Variants in PAPPA2 observed in about 807,000 individuals in gnomAD.
PAPPA2 encodes pappalysin 2, also known as pappalysin-2.
Under a neutral mutation model 176.4 loss-of-function variants are expected in PAPPA2, and 86 were observed. The observed-to-expected ratio is 0.49, with a 90% confidence interval of 0.41 to 0.58. The LOEUF (loss-of-function observed/expected upper bound fraction) is 0.58. Among genes scored for constraint, PAPPA2 ranks in the 20% least tolerant of loss-of-function variants. The pLI, the probability that PAPPA2 is intolerant of heterozygous loss-of-function variation, is 0.00. For synonymous variants in PAPPA2, 809 were observed against 852.2 expected, an observed-to-expected ratio of 0.95 and a Z score of 0.88; for missense variants, 2,073 against 2,256.9, an observed-to-expected ratio of 0.92 and a Z score of 1.65.
rs530343557 is a variant in PAPPA2 at position 176,832,498 on chromosome 1, G to A, written c.5203-7675G>A. ...CTCCCAAGTAGATGGGATTACAGGC[G>A]TGTGCCACTGCACCTGGCTAATTTT... On this transcript the variant is annotated intron_variant, in intron 21 of 22. Transcript: ENST00000367662. Among the ~76,000 whole-genome samples the A allele has an allele frequency of 5.3e-4, 80 of 152,214 alleles. No homozygotes were observed. The South Asian group carries it at 0.014, about 26-fold the overall frequency.
intron 3 of PAPPA2, among the ~76,000 whole-genome samples, chr1:176,634,106 G>A (rs1292001812): frequency 6.6e-6 from 1 of 152,006 alleles, no homozygotes; most frequent in Non-Finnish European, 1.5e-5. Flanking sequence ...TATACCCAAA[G>A]GGATATAAAT....
chr1:176,822,239 C>G (rs935348472), intron 21 of PAPPA2, among the ~76,000 whole-genome samples: 2 of 152,136 alleles, frequency 1.3e-5, no homozygotes, highest in Admixed American at 1.3e-4. Context: ...GGTGTCACCT[C>G]CTAGTTGATT....
intron 3 of PAPPA2, among the ~76,000 whole-genome samples, chr1:176,653,248 A>G (rs751502238): frequency 6.6e-6 from 1 of 151,652 alleles, no homozygotes; most frequent in Non-Finnish European, 1.5e-5. Context: ...TCATCATCTC[A>G]TTCAGCACTC....
chr1:176,759,644 C>A (rs905921014), intron 14 of PAPPA2, among the ~76,000 whole-genome samples: 10 of 152,156 alleles, frequency 6.6e-5, no homozygotes, highest in Non-Finnish European at 1.2e-4. Context: ...TTGCTAGGAA[C>A]TACTGAGCTC....
chr1:176,594,437 T>C lies in PAPPA2; in HGVS notation c.920-87T>C. 8 of 1,145,408 alleles carry C rather than the reference T, an allele frequency of 7.0e-6. No individual in the cohort carries two copies. The South Asian group carries it at 1.1e-4, about 16-fold the overall frequency. The allele number at this position is 1,145,408 out of a possible 1,614,324, so 71.0% of individuals were successfully genotyped here. ...TCCCCATTAAAAACCTGCATTCTTGTTATTTACATGGGCTTTCTTCTCCCT... is the reference window on the plus strand; with the variant it reads ...TCCCCATTAAAAACCTGCATTCTTGCTATTTACATGGGCTTTCTTCTCCCT... On this transcript the variant is annotated intron_variant, in intron 2 of 22. Transcript: ENST00000367662.
chr1:176,696,689 C>T (rs909807433), intron 7 of PAPPA2, among the ~76,000 whole-genome samples: 2 of 152,152 alleles, frequency 1.3e-5, no homozygotes. Flanking sequence ...TTAATGTTTA[C>T]CTAATTATCA....
rs1209820042 is a variant in PAPPA2, at chr1:176,555,658, C to G, written c.-665C>G. 1 of 152,186 alleles carries G rather than the reference C, an allele frequency of 6.6e-6. No individual in the cohort carries two copies. The allele number at this position is 152,186 out of a possible 1,614,324, so 9.4% of individuals were successfully genotyped here. A position where few individuals can be genotyped will look rare whatever the true frequency, so the allele number is the denominator to read the frequency against. On this transcript the variant is annotated 5_prime_UTR_variant, in exon 2 of 23. Transcript: ENST00000367662. ...CATCTGGAGAATGAAAGTTAAGTAC[C>G]AGCTTGCATTTTTGTGCCCCTAGAT...
chr1:176,698,683 C>A (rs755728610), intron 7 of PAPPA2, among the ~76,000 whole-genome samples: 1 of 152,182 alleles, frequency 6.6e-6, no homozygotes, highest in Non-Finnish European at 1.5e-5. Flanking sequence ...GGGAAAAGCC[C>A]TACAAAGATT....
intron 1 of PAPPA2, among the ~76,000 whole-genome samples, chr1:176,496,427 G>T (rs748495004): frequency 1.4e-4 from 22 of 152,202 alleles, no homozygotes; most frequent in Non-Finnish European, 2.5e-4. Context: ...AATGGGAAGA[G>T]AATGGTCCTG....
At chr1:176,552,518 C>T (rs528076836) in intron 1 of PAPPA2, among the ~76,000 whole-genome samples, 1 of 151,854 alleles carries the variant, frequency 6.6e-6, no homozygotes, top group African/African-American at 2.4e-5. Context: ...TTTCCCTCTC[C>T]GTCCTGGTCC....
At chr1:176,617,804 C>T (rs1655357136) in intron 3 of PAPPA2, among the ~76,000 whole-genome samples, 1 of 151,994 alleles carries the variant, frequency 6.6e-6, no homozygotes, top group Non-Finnish European at 1.5e-5. Flanking sequence ...GGGGTAGGTA[C>T]CCAGTAGTGG....
chr1:176,771,426 A>G (rs2102913587), intron 17 of PAPPA2, among the ~76,000 whole-genome samples: 1 of 152,314 alleles, frequency 6.6e-6, no homozygotes, highest in South Asian at 2.1e-4. Context: ...GCAGCGTCTC[A>G]GGTGTTATAT....
chr1:176,744,442 T>G (rs1662815869), intron 14 of PAPPA2, among the ~76,000 whole-genome samples: 1 of 152,188 alleles, frequency 6.6e-6, no homozygotes, highest in African/African-American at 2.4e-5. Flanking sequence ...TATCCCATGA[T>G]CCTCAAACCT....
At chr1:176,582,873 G>A (rs1218167618) in intron 2 of PAPPA2, among the ~76,000 whole-genome samples, 1 of 152,122 alleles carries the variant, frequency 6.6e-6, no homozygotes, top group Non-Finnish European at 1.5e-5. Flanking sequence ...TTGTAGTAAA[G>A]CAGTGAAGAC....
At chr1:176,612,812 A>G (rs978472233) in intron 3 of PAPPA2, among the ~76,000 whole-genome samples, 1 of 152,198 alleles carries the variant, frequency 6.6e-6, no homozygotes, top group Non-Finnish European at 1.5e-5. Context: ...CGTTTTCTAG[A>G]AGGGTTAAAA....
chr1:176,490,458 C>T (rs1652841973), intron 1 of PAPPA2, among the ~76,000 whole-genome samples: 1 of 152,086 alleles, frequency 6.6e-6, no homozygotes, highest in Non-Finnish European at 1.5e-5. Flanking sequence ...AACAATTGTC[C>T]TCTCTGCTTG....
chr1:176,839,344 A>G (rs145940321), intron 21 of PAPPA2, among the ~76,000 whole-genome samples: 1 of 152,302 alleles, frequency 6.6e-6, no homozygotes, highest in East Asian at 1.9e-4. Context: ...TTCTTATTGT[A>G]CATTCTCTTT....
At chr1:176,761,123 A>T (rs1663680994) in intron 14 of PAPPA2, among the ~76,000 whole-genome samples, 2 of 152,136 alleles carry the variant, frequency 1.3e-5, no homozygotes, top group Non-Finnish European at 2.9e-5. Flanking sequence ...ACCCGGCCAA[A>T]AACATGTTTT....
intron 2 of PAPPA2, among the ~76,000 whole-genome samples, chr1:176,576,316 C>A (rs141628821): frequency 6.6e-6 from 1 of 152,278 alleles, no homozygotes; most frequent in Non-Finnish European, 1.5e-5. Flanking sequence ...TTTCTTGAGA[C>A]TAAAGACTGA....
Sources: gnomAD v4.1 joint callset for allele counts (sites outside exome capture counted in the v4.1 genomes callset) on GRCh38, gnomAD v4.1.1 for gene constraint, MANE v1.5 for transcripts, NCBI Gene and HGNC (gene_info 2026-07-23, HGNC 2026-07-21) for gene names.